The following PIK3C2A variants were observed in gnomAD, a reference collection of about 807,000 sequenced individuals.
PIK3C2A encodes the protein phosphatidylinositol-4-phosphate 3-kinase catalytic subunit type 2 alpha.
In PIK3C2A, 97 loss-of-function variants were observed where a neutral mutation model predicts 204.5. That is an observed-to-expected ratio of 0.47 (90% CI 0.40 to 0.56). The LOEUF (loss-of-function observed/expected upper bound fraction) is 0.56, where lower values mean the gene tolerates loss of function less well. Ranked by LOEUF, PIK3C2A falls within the 20% of genes least tolerant of loss-of-function variation. The probability of loss-of-function intolerance (pLI) is 0.00; values close to 1 mark genes in which losing one functional copy is unlikely to be tolerated. For missense variants in PIK3C2A, 1,735 were observed against 1,969.2 expected (o/e 0.88, Z 2.25); for synonymous variants, 653 against 664.4 (o/e 0.98, Z 0.26).
In PIK3C2A at chr11:17,129,471, T is replaced by TG. The variant is rs761196628; in HGVS notation, c.2232-5dup. The stretch of plus-strand genomic sequence containing the variant: ...TATCTGGATAGGAAAAATGATTCTA[T>TG]GGGGGGAAAAATGTATTAATAGAAC... On this transcript the variant is annotated splice_region_variant and splice_polypyrimidine_tract_variant and intron_variant, in intron 12 of 32. Coordinates refer to ENST00000691414, the MANE Select transcript of PIK3C2A (RefSeq NM_002645.4). The TG allele has an allele frequency of 2.5e-6, 4 of 1,578,824 alleles. No homozygotes were observed. Among genetic ancestry groups the TG allele is most frequent in the Non-Finnish European group, 1.7e-6 (2 of 1,151,342 alleles).
intron 27 of PIK3C2A, among the ~76,000 whole-genome samples, chr11:17,094,927 T>C (rs530137225): frequency 1.3e-5 from 2 of 152,288 alleles, no homozygotes; most frequent in East Asian, 3.9e-4. Context: ...AGAGTGATCA[T>C]AACCATCCTA....
At chr11:17,102,219 T>G (rs572434339) in intron 24 of PIK3C2A, among the ~76,000 whole-genome samples, 3 of 152,008 alleles carry the variant, frequency 2.0e-5, no homozygotes, top group East Asian at 1.9e-4. Context: ...GGTAGATCAC[T>G]TGGTCAGGAG....
At chr11:17,093,270 G>T (rs1353232464) in intron 28 of PIK3C2A, among the ~76,000 whole-genome samples, 1 of 152,122 alleles carries the variant, frequency 6.6e-6, no homozygotes, top group African/African-American at 2.4e-5. Flanking sequence ...ATGTTTGCTT[G>T]TTATTTATTT....
At chr11:17,144,571 C>T (rs533374123) in intron 8 of PIK3C2A, among the ~76,000 whole-genome samples, 213 of 151,888 alleles carry the variant, frequency 1.4e-3, no homozygotes, top group African/African-American at 5.0e-3. Flanking sequence ...AAGTTAGGTC[C>T]GAAAACAAGA....
chr11:17,134,178 A>G (rs988378211), intron 11 of PIK3C2A, among the ~76,000 whole-genome samples: 3 of 152,142 alleles, frequency 2.0e-5, no homozygotes, highest in Non-Finnish European at 4.4e-5. Flanking sequence ...TTACAAGATC[A>G]GAATAGTTGC....
At position 17,122,735 on chromosome 11, in the gene PIK3C2A, T is replaced by A. The variant is rs1226140778; in HGVS notation, c.2478A>T (p.Lys826Asn). Reference protein sequence around the residue: ...HTNSVPGTVTKKGYVMERIVL... With the variant: ...HTNSVPGTVTNKGYVMERIVL... ...CTATTCTTTCCATGACATATCCTTTTTTGGTAACTGTTCCAGGAACAGAAT... is the reference window on the plus strand; with the variant it reads ...CTATTCTTTCCATGACATATCCTTTATTGGTAACTGTTCCAGGAACAGAAT... Residue 826 changes from lysine (K) to asparagine (N), a missense_variant, in exon 14 of 33, where the codon AAA becomes AAT. By Grantham distance (94) the Lys-to-Asn change is moderately conservative. Around this residue, in one of 6 missense-constraint regions of PIK3C2A, gnomAD observed 567 missense variants for 576.0 expected, o/e 0.98. Coordinates refer to ENST00000691414, the MANE Select transcript of PIK3C2A (RefSeq NM_002645.4). 7 of 1,535,948 alleles carry A rather than the reference T, an allele frequency of 4.6e-6. No individual in the cohort carries two copies. The highest frequency in any genetic ancestry group is 6.3e-6 in the Non-Finnish European group (7 of 1,111,914).
At chr11:17,170,724 G>C (rs1851128100) in intron 1 of PIK3C2A, among the ~76,000 whole-genome samples, 1 of 152,124 alleles carries the variant, frequency 6.6e-6, no homozygotes, top group South Asian at 2.1e-4. Context: ...TAGCTACTCT[G>C]TAACACCGAG....
chr11:17,091,474 A>C lies in PIK3C2A; in HGVS notation c.4753-15T>G, dbSNP rs372008639. 13 of 1,610,930 alleles carry C rather than the reference A, an allele frequency of 8.1e-6. No individual in the cohort carries two copies. Among genetic ancestry groups the C allele is most frequent in the African/African-American group, 6.7e-5 (5 of 74,688 alleles). On this transcript the variant is annotated splice_polypyrimidine_tract_variant and intron_variant, in intron 31 of 32. Coordinates refer to ENST00000691414, the MANE Select transcript of PIK3C2A (RefSeq NM_002645.4). Reference sequence around the variant, plus strand: ...TCTTCAGTAACCTAAAAAGAAAAGCAGTCCCTTAATAGTAATGCTTCCTAC... The same window carrying C: ...TCTTCAGTAACCTAAAAAGAAAAGCCGTCCCTTAATAGTAATGCTTCCTAC...
At chr11:17,091,227 T>C in intron 32 of PIK3C2A, 107 bp downstream of exon 32, 1 of 935,766 alleles carries the variant, frequency 1.1e-6, no homozygotes, top group Non-Finnish European at 1.6e-6. Flanking sequence ...ATGGTACGTT[T>C]AGCTATGTAA....
rs545067522 is a variant in PIK3C2A at position 17,117,750 on chromosome 11, G to A, written c.3036-79C>T. The A allele has an allele frequency of 2.6e-4, 204 of 793,474 alleles. No individual in the cohort carries two copies. The African/African-American group carries it at 3.8e-3, about 15-fold the overall frequency. 49.2% of individuals were successfully genotyped at this position (793,474 alleles called of 1,614,324 possible). A position where few individuals can be genotyped will look rare whatever the true frequency, so the allele number is the denominator to read the frequency against. ...TTTTTTTTGAGACGGAGCCTCACTC[G>A]TCACCCAGGCTGGAGTGCAGTGGCG... On this transcript the variant is annotated intron_variant, in intron 18 of 32. Transcript: ENST00000691414.
chr11:17,113,151 A>G lies in PIK3C2A; in HGVS notation c.3322-485T>C, dbSNP rs956937425. ...CTCAGCCTCCCGAGTAGCTGGGATTACAGGCACCCGCCACCACACCCGGCT... is the reference window on the plus strand; with the variant it reads ...CTCAGCCTCCCGAGTAGCTGGGATTGCAGGCACCCGCCACCACACCCGGCT... On this transcript the variant is annotated intron_variant, in intron 20 of 32. Coordinates refer to ENST00000691414, the MANE Select transcript of PIK3C2A (RefSeq NM_002645.4). Among the ~76,000 whole-genome samples, 3 of 152,110 alleles carry G rather than the reference A, an allele frequency of 2.0e-5. No individual in the cohort carries two copies. The East Asian group carries it at 5.8e-4, about 29-fold the overall frequency.
chr11:17,171,416 T>C (rs1851155838), intron 1 of PIK3C2A, among the ~76,000 whole-genome samples: 1 of 151,602 alleles, frequency 6.6e-6, no homozygotes, highest in Non-Finnish European at 1.5e-5. Flanking sequence ...AATATATACG[T>C]GAGACAAGGA....
chr11:17,129,590 A>AT, intron 12 of PIK3C2A, 123 bp from the exon 13 acceptor site: 1 of 682,190 alleles, frequency 1.5e-6, no homozygotes. Context: ...TTATTTTGGT[A>AT]TTTTTATTTT....
intron 1 of PIK3C2A, among the ~76,000 whole-genome samples, chr11:17,187,786 G>C (rs1236385366): frequency 6.6e-6 from 1 of 151,822 alleles, no homozygotes; most frequent in African/African-American, 2.4e-5. Flanking sequence ...AGAGACAGAA[G>C]ATATATACTC....
chr11:17,200,130 G>C (rs1852315168), intron 1 of PIK3C2A, among the ~76,000 whole-genome samples: 1 of 151,846 alleles, frequency 6.6e-6, no homozygotes, highest in Non-Finnish European at 1.5e-5. Context: ...AAGTTGCAGT[G>C]AGCTGAGATC....
At chr11:17,152,434 G>GT (rs1046216060) in intron 3 of PIK3C2A, among the ~76,000 whole-genome samples, 4 of 151,900 alleles carry the variant, frequency 2.6e-5, no homozygotes, top group African/African-American at 7.2e-5. Context: ...TTTTTGTGGG[G>GT]TTTTTTTGTA....
intron 17 of PIK3C2A, 122 bp downstream of exon 17, chr11:17,119,098 C>A: frequency 1.6e-6 from 1 of 636,274 alleles, no homozygotes; most frequent in South Asian, 2.1e-5. Context: ...AAATGCAATG[C>A]CCCTCAATGT....
chr11:17,184,705 GGA>G (rs1314227467), intron 1 of PIK3C2A, among the ~76,000 whole-genome samples: 1 of 152,112 alleles, frequency 6.6e-6, no homozygotes, highest in African/African-American at 2.4e-5. Context: ...GTGGCCAAGA[GGA>G]GAGGATCCTT....
chr11:17,155,698 C>A, intron 2 of PIK3C2A, 69 bp from the exon 3 acceptor site: 1 of 764,046 alleles, frequency 1.3e-6, no homozygotes, highest in South Asian at 1.8e-5. Flanking sequence ...CAGCACAGCA[C>A]AAACACATTT....
Sources: allele counts gnomAD v4.1 joint callset (sites outside exome capture counted in the v4.1 genomes callset), GRCh38; gene constraint gnomAD v4.1.1; regional missense constraint gnomAD v4.1.1; transcripts MANE v1.5; gene names NCBI Gene and HGNC (gene_info 2026-07-23, HGNC 2026-07-21).